PRMT9: variants seen among roughly 807,000 people sequenced by gnomAD.
The protein encoded by PRMT9 is protein arginine methyltransferase 9.
In PRMT9, 59 loss-of-function variants were observed where a neutral mutation model predicts 83.2. The ratio of observed to expected loss-of-function variants is 0.71; its 90% CI spans 0.57 to 0.88. PRMT9 has a LOEUF of 0.88. PRMT9 is among the 40% of genes least tolerant of loss of function. The pLI, the probability that PRMT9 is intolerant of heterozygous loss-of-function variation, is 0.00. For synonymous variants in PRMT9, 333 were observed against 353.2 expected (o/e 0.94, Z 0.64); for missense variants, 947 against 1,021.9 (o/e 0.93, Z 1.00).
At chr4:147,683,720 C>CGTTTTT in intron 1 of PRMT9, 79 bp downstream of exon 1, 1 of 1,049,864 alleles carries the variant, frequency 9.5e-7, no homozygotes, top group East Asian at 3.0e-5. Context: ...AGCCCCTCCG[C>CGTTTTT]TTTTTTTTTT....
At chr4:147,670,444 G>A (rs755943056) in intron 5 of PRMT9, among the ~76,000 whole-genome samples, 197 bp downstream of exon 5, 7 of 152,176 alleles carry the variant, frequency 4.6e-5, no homozygotes, top group Non-Finnish European at 8.8e-5. Flanking sequence ...CTCCCAAAGT[G>A]CTGGGATTAC....
chr4:147,672,913 A>T (rs779408597), intron 4 of PRMT9, 46 bp downstream of exon 4: 47 of 1,533,120 alleles, frequency 3.1e-5, no homozygotes, highest in Admixed American at 1.7e-4. Context: ...TTAGTTTTTT[A>T]AAAATAGAGA....
chr4:147,659,576 T>C (rs558114516), intron 7 of PRMT9, among the ~76,000 whole-genome samples: 5,069 of 32,252 alleles, frequency 0.16, 246 homozygotes, highest in East Asian at 0.47. Flanking sequence ...GGCACTTTCT[T>C]TTCTTTTTTT....
At chr4:147,668,729 TA>T in intron 5 of PRMT9, 84 bp from the exon 6 acceptor site, 2 of 815,436 alleles carry the variant, frequency 2.5e-6, no homozygotes, top group South Asian at 1.5e-5. Context: ...AAATATAATT[TA>T]AAAAACCTAA....
At chr4:147,650,804 C>G (rs535753899) in intron 9 of PRMT9, among the ~76,000 whole-genome samples, 4 of 152,122 alleles carry the variant, frequency 2.6e-5, no homozygotes, top group African/African-American at 4.8e-5. Context: ...ACCAACGGAA[C>G]TAGAAACAAG....
At chr4:147,648,461 A>G (rs140325640) in intron 9 of PRMT9, among the ~76,000 whole-genome samples, 1 of 152,288 alleles carries the variant, frequency 6.6e-6, no homozygotes, top group East Asian at 1.9e-4. Flanking sequence ...CACTTCCCAC[A>G]TGCTTACTCT....
At position 147,642,909 on chromosome 4, in the gene PRMT9, G is replaced by C; in HGVS notation, c.2077C>G (p.Pro693Ala). 1 of 1,614,060 alleles carries C rather than the reference G, an allele frequency of 6.2e-7. No homozygotes were observed. The change falls in exon 10 of 12, where the codon CCT (proline) becomes GCT (alanine). Residue 693 changes from proline (P) to alanine (A), a missense_variant. Physicochemically the swap from Pro to Ala is conservative, Grantham distance 27. Coordinates refer to ENST00000322396, the MANE Select transcript of PRMT9 (RefSeq NM_138364.4). ...AACCCAAACATCAGCACATACTGAG[G>C]AAAGATCTTGCCTCCAGATTGTAGT... ...CLLQSGGKIF[P>A]QYVLMFGLLV...
At chr4:147,640,739 A>G (rs1733340274) in intron 10 of PRMT9, among the ~76,000 whole-genome samples, 1 of 152,140 alleles carries the variant, frequency 6.6e-6, no homozygotes, top group Non-Finnish European at 1.5e-5. Context: ...TTATTTTTAG[A>G]GACAGGGTCA....
chr4:147,648,549 A>G (rs1046631230), intron 9 of PRMT9, among the ~76,000 whole-genome samples: 3 of 152,210 alleles, frequency 2.0e-5, no homozygotes, highest in Non-Finnish European at 4.4e-5. Flanking sequence ...AAACATAAGT[A>G]AAGTGTTTCC....
At chr4:147,674,231 C>T (rs1578934267) in intron 2 of PRMT9, among the ~76,000 whole-genome samples, 1 of 152,208 alleles carries the variant, frequency 6.6e-6, no homozygotes, top group South Asian at 2.1e-4. Context: ...TTGTGGGGGC[C>T]GGCATGCCTT....
At chr4:147,680,568 C>A in intron 1 of PRMT9, 97 bp from the exon 2 acceptor site, 2 of 946,908 alleles carry the variant, frequency 2.1e-6, no homozygotes, top group Non-Finnish European at 3.3e-6. Flanking sequence ...CGAACTTAAT[C>A]ACTATTGAAC....
chr4:147,639,747 T>C (rs537535261), intron 10 of PRMT9, among the ~76,000 whole-genome samples: 1 of 152,314 alleles, frequency 6.6e-6, no homozygotes, highest in East Asian at 1.9e-4. Context: ...CATCCTCATT[T>C]GAAACAAAGG....
chr4:147,644,195 G>A (rs1419144765), intron 9 of PRMT9, among the ~76,000 whole-genome samples: 2 of 152,040 alleles, frequency 1.3e-5, no homozygotes, highest in Admixed American at 6.6e-5. Flanking sequence ...CTATGGTTCA[G>A]GGAAAGAGCC....
intron 9 of PRMT9, among the ~76,000 whole-genome samples, chr4:147,644,373 T>A (rs1210184860): frequency 2.1e-5 from 3 of 142,998 alleles, no homozygotes; most frequent in African/African-American, 5.1e-5. Flanking sequence ...ATGCAAAATT[T>A]AAAAAAAAAA....
At position 147,680,298 on chromosome 4, in the gene PRMT9, A is replaced by T. The variant is rs772496674; in HGVS notation, c.338+25T>A. ...AGACTAATACAGAATAATTCTTAACAAGTAATACTAAAATCACTACAAACC... is the reference window on the plus strand; with the variant it reads ...AGACTAATACAGAATAATTCTTAACTAGTAATACTAAAATCACTACAAACC... On this transcript the variant is annotated intron_variant, in intron 2 of 11. Transcript: ENST00000322396. The T allele has an allele frequency of 3.1e-6, 5 of 1,607,846 alleles. No homozygotes were observed. The Admixed American group carries it at 8.3e-5, about 27-fold the overall frequency.
At chr4:147,671,517 G>A (rs148649903) in intron 4 of PRMT9, among the ~76,000 whole-genome samples, 124 of 152,330 alleles carry the variant, frequency 8.1e-4, no homozygotes, top group African/African-American at 2.5e-3. Flanking sequence ...AAAGTTTCAT[G>A]AATATTCTTT....
intron 4 of PRMT9, 64 bp downstream of exon 4, chr4:147,672,895 A>G: frequency 7.2e-7 from 1 of 1,383,376 alleles, no homozygotes; most frequent in Non-Finnish European, 1.0e-6. Flanking sequence ...AAAAGCTAGA[A>G]ATATATCTTA....
In PRMT9 at chr4:147,638,259, CTT is replaced by C. The variant is rs1364684820; in HGVS notation, c.*271_*272del. 1 of 427,966 alleles carries C rather than the reference CTT, an allele frequency of 2.3e-6. No homozygotes were observed. The highest frequency in any genetic ancestry group is 2.0e-5 in the African/African-American group (1 of 49,966). 26.5% of individuals were successfully genotyped at this position (427,966 alleles called of 1,614,324 possible). ...CTTACACATGTCAATAACGATAAGA[CTT>C]TTAAAATCCCTATTCTGTAAAATCG... is the stretch of plus-strand genomic sequence containing the variant. On this transcript the variant is annotated 3_prime_UTR_variant, in exon 12 of 12. Coordinates refer to ENST00000322396, the MANE Select transcript of PRMT9 (RefSeq NM_138364.4).
At chr4:147,657,619 C>T (rs1308124888) in intron 8 of PRMT9, among the ~76,000 whole-genome samples, 173 bp downstream of exon 8, 2 of 151,648 alleles carry the variant, frequency 1.3e-5, no homozygotes, top group African/African-American at 4.8e-5. Context: ...TCTCTCTTAA[C>T]CACAAATATT....
Sources: allele counts gnomAD v4.1 joint callset (sites outside exome capture counted in the v4.1 genomes callset), GRCh38; gene constraint gnomAD v4.1.1; transcripts MANE v1.5; gene names NCBI Gene and HGNC (gene_info 2026-07-23, HGNC 2026-07-21).